The following SKAP2 variants were observed in gnomAD, a reference collection of about 807,000 sequenced individuals.
The protein encoded by SKAP2 is src kinase-associated phosphoprotein 2.
A neutral mutation model predicts 54.9 loss-of-function variants in SKAP2; 28 were observed. That is an observed-to-expected ratio of 0.51 (90% CI 0.38 to 0.70). The LOEUF (loss-of-function observed/expected upper bound fraction) is 0.70, where lower values mean the gene tolerates loss of function less well. Ranked by LOEUF, SKAP2 falls within the 30% of genes least tolerant of loss-of-function variation. The probability of loss-of-function intolerance (pLI) is 0.00; values close to 1 mark genes in which losing one functional copy is unlikely to be tolerated. For missense variants in SKAP2, 356 were observed against 424.1 expected, an observed-to-expected ratio of 0.84 and a Z score of 1.41; for synonymous variants, 137 against 134.3, an observed-to-expected ratio of 1.02 and a Z score of -0.14.
intron 4 of SKAP2, among the ~76,000 whole-genome samples, chr7:26,763,434 T>C (rs1042918857): frequency 1.3e-5 from 2 of 152,178 alleles, no homozygotes; most frequent in Admixed American, 1.3e-4. Context: ...GGAGTTAACA[T>C]GATACCAATC....
chr7:26,798,007 G>A (rs1432696969), intron 4 of SKAP2, among the ~76,000 whole-genome samples: 1 of 151,504 alleles, frequency 6.6e-6, no homozygotes, highest in African/African-American at 2.4e-5. Flanking sequence ...TACAGTCAGA[G>A]GAGACAAAAG....
chr7:26,819,881 T>C (rs1440788062), intron 4 of SKAP2, among the ~76,000 whole-genome samples: 2 of 151,968 alleles, frequency 1.3e-5, no homozygotes, highest in Non-Finnish European at 2.9e-5. Context: ...GTAGAGCAAG[T>C]ACAAACAAAA....
intron 9 of SKAP2, among the ~76,000 whole-genome samples, chr7:26,701,956 C>T (rs1584339824): frequency 1.3e-5 from 2 of 152,136 alleles, no homozygotes; most frequent in African/African-American, 2.4e-5. Flanking sequence ...AATCTGCCTT[C>T]CTACAGTCTT....
chr7:26,864,236 C>G, intron 1 of SKAP2, 127 bp downstream of exon 1: 2 of 1,129,136 alleles, frequency 1.8e-6, no homozygotes, highest in Admixed American at 3.9e-5. Flanking sequence ...TGTGCCGACC[C>G]CACTGGCTAG....
At chr7:26,741,124 A>T (rs1782436212) in intron 4 of SKAP2, among the ~76,000 whole-genome samples, 1 of 152,048 alleles carries the variant, frequency 6.6e-6, no homozygotes, top group Admixed American at 6.6e-5. Flanking sequence ...AGGATAGAAA[A>T]TGTGTTTGAG....
At chr7:26,716,164 G>A (rs1201583861) in intron 9 of SKAP2, among the ~76,000 whole-genome samples, 1 of 152,060 alleles carries the variant, frequency 6.6e-6, no homozygotes, top group African/African-American at 2.4e-5. Flanking sequence ...TATTAATTTT[G>A]TGGTTAAATC....
intron 4 of SKAP2, among the ~76,000 whole-genome samples, chr7:26,781,007 A>G (rs1327630218): frequency 1.3e-5 from 2 of 152,144 alleles, no homozygotes; most frequent in Non-Finnish European, 2.9e-5. Flanking sequence ...TAATATACAA[A>G]TTCCTATTAT....
At chr7:26,829,544 C>T (rs1784560990) in intron 4 of SKAP2, among the ~76,000 whole-genome samples, 1 of 151,462 alleles carries the variant, frequency 6.6e-6, no homozygotes. Flanking sequence ...GACTCTGGCT[C>T]AAAACAAACA....
At chr7:26,733,723 C>T (rs879605236) in intron 6 of SKAP2, among the ~76,000 whole-genome samples, 2 of 151,998 alleles carry the variant, frequency 1.3e-5, no homozygotes, top group Non-Finnish European at 2.9e-5. Flanking sequence ...TTAAATTCTC[C>T]ATATTAAGCC....
At chr7:26,802,260 GT>G (rs34277928) in intron 4 of SKAP2, among the ~76,000 whole-genome samples, 17,345 of 128,518 alleles carry the variant, frequency 0.13, 1,301 homozygotes, top group African/African-American at 0.19. Context: ...AGAAAAGACA[GT>G]TTTTTTTTTT....
At chr7:26,825,686 A>G (rs575004900) in intron 4 of SKAP2, among the ~76,000 whole-genome samples, 108 of 152,188 alleles carry the variant, frequency 7.1e-4, no homozygotes, top group African/African-American at 2.6e-3. Context: ...ATAAGAATTT[A>G]AAAATTAACC....
intron 1 of SKAP2, among the ~76,000 whole-genome samples, chr7:26,857,095 G>A (rs989971442): frequency 6.7e-6 from 1 of 149,890 alleles, no homozygotes; most frequent in Admixed American, 6.6e-5. Flanking sequence ...AAGAGTGTGG[G>A]ACTGTAGGAA....
At chr7:26,769,185 C>T (rs553310763) in intron 4 of SKAP2, among the ~76,000 whole-genome samples, 15 of 152,202 alleles carry the variant, frequency 9.9e-5, no homozygotes, top group Non-Finnish European at 1.5e-4. Flanking sequence ...CTTGTCTTCA[C>T]GCTTTATTTT....
At chr7:26,730,517 T>C (rs1787800797) in intron 6 of SKAP2, among the ~76,000 whole-genome samples, 1 of 152,232 alleles carries the variant, frequency 6.6e-6, no homozygotes, top group African/African-American at 2.4e-5. Flanking sequence ...AACATTTTTT[T>C]CTTAACATAG....
intron 4 of SKAP2, 76 bp from the exon 5 acceptor site, chr7:26,740,040 A>AGATT (rs1782400782): frequency 2.3e-6 from 2 of 857,550 alleles, no homozygotes; most frequent in East Asian, 2.5e-5. Context: ...AGATCTCATT[A>AGATT]GATTCAGTGT....
intron 4 of SKAP2, among the ~76,000 whole-genome samples, 186 bp from the exon 5 acceptor site, chr7:26,740,150 G>GT (rs1417998971): frequency 0.013 from 401 of 31,436 alleles, no homozygotes; most frequent in African/African-American, 0.064. Context: ...AGTCTCAAAA[G>GT]TAAAAAAAAA....
chr7:26,762,800 A>ATC, intron 4 of SKAP2, among the ~76,000 whole-genome samples: 1 of 152,338 alleles, frequency 6.6e-6, no homozygotes, highest in Non-Finnish European at 1.5e-5. Context: ...AAAGGAAAGA[A>ATC]ATTTATAACC....
intron 3 of SKAP2, among the ~76,000 whole-genome samples, chr7:26,844,516 A>C (rs1982995): frequency 0.22 from 32,878 of 151,978 alleles, 3,615 homozygotes; most frequent in Non-Finnish European, 0.24. Flanking sequence ...AACAAAACCC[A>C]GGAAGCACAA....
chr7:26,758,732 T>C (rs1340422648), intron 4 of SKAP2, among the ~76,000 whole-genome samples: 5 of 152,230 alleles, frequency 3.3e-5, no homozygotes, highest in East Asian at 1.9e-4. Flanking sequence ...TTCTCTGATA[T>C]AGATAATTCT....
Sources: gnomAD v4.1 joint callset for allele counts (sites outside exome capture counted in the v4.1 genomes callset) on GRCh38, gnomAD v4.1.1 for gene constraint, MANE v1.5 for transcripts, NCBI Gene and HGNC (gene_info 2026-07-23, HGNC 2026-07-21) for gene names.